Variants in PCDH11Y observed in about 807,000 individuals in gnomAD.
The protein encoded by PCDH11Y is protocadherin 11 Y-linked, also known as protocadherin-11 Y-linked.
For synonymous variants in PCDH11Y, 9 were observed against 83.6 expected, an observed-to-expected ratio of 0.11 and a Z score of 4.87; for missense variants, 12 against 224.8, an observed-to-expected ratio of 0.05 and a Z score of 6.05.
chrY:5,637,131 G>A (rs2053518496), intron 4 of PCDH11Y, among the ~76,000 whole-genome samples: 1 of 33,315 alleles, frequency 3.0e-5, no homozygotes, highest in Non-Finnish European at 7.4e-5. Flanking sequence ...TTGTCATAGT[G>A]CAATGATAGC....
At chrY:5,046,821 G>A (rs2124626166) in intron 3 of PCDH11Y, among the ~76,000 whole-genome samples, 9 of 33,649 alleles carry the variant, frequency 2.7e-4, no homozygotes, top group Admixed American at 5.3e-4. Flanking sequence ...GTGGTGCGCC[G>A]TTTTTTAAGC....
chrY:5,515,355 A>C, intron 3 of PCDH11Y, among the ~76,000 whole-genome samples: 1 of 32,507 alleles, frequency 3.1e-5, no homozygotes, highest in Non-Finnish European at 7.6e-5. Context: ...ATTCAGTGGA[A>C]TGAATATGAT....
chrY:5,378,288 TACACACACACAC>T (rs200306687), intron 2 of PCDH11Y, among the ~76,000 whole-genome samples: 785 of 23,370 alleles, frequency 0.034, no homozygotes, highest in Middle Eastern at 0.27. Context: ...AATAAATAAA[TACACACACACAC>T]ACACACACAC....
At chrY:5,403,035 T>A in intron 2 of PCDH11Y, among the ~76,000 whole-genome samples, 1 of 31,747 alleles carries the variant, frequency 3.1e-5, no homozygotes. Flanking sequence ...GTGGTTTTTT[T>A]CAAAAACATG....
intron 2 of PCDH11Y, among the ~76,000 whole-genome samples, chrY:5,122,478 T>G: frequency 3.1e-5 from 1 of 32,489 alleles, no homozygotes; most frequent in Non-Finnish European, 7.5e-5. Context: ...CAAAAATTCT[T>G]CTAGTAGGTT....
At chrY:5,006,208 A>T in intron 1 of PCDH11Y, among the ~76,000 whole-genome samples, 1 of 26,772 alleles carries the variant, frequency 3.7e-5, no homozygotes, top group East Asian at 9.8e-4. Flanking sequence ...ATTCTTTCTT[A>T]TTTTTATTCC....
intron 4 of PCDH11Y, among the ~76,000 whole-genome samples, chrY:5,638,123 A>AT (rs2053520114): frequency 9.5e-4 from 23 of 24,300 alleles, no homozygotes; most frequent in African/African-American, 3.3e-3. Context: ...CACCCAGCTA[A>AT]TTTTTTTGTA....
chrY:5,530,868 G>A, intron 3 of PCDH11Y, among the ~76,000 whole-genome samples: 1 of 32,477 alleles, frequency 3.1e-5, no homozygotes, highest in Non-Finnish European at 7.6e-5. Flanking sequence ...TATGAATATT[G>A]CAGAGGCTTA....
At chrY:5,392,318 C>G in intron 2 of PCDH11Y, among the ~76,000 whole-genome samples, 1 of 24,882 alleles carries the variant, frequency 4.0e-5, no homozygotes, top group Non-Finnish European at 8.9e-5. Context: ...TGCAGTGAGC[C>G]GAGATCGCGC....
At chrY:5,431,137 G>A in intron 2 of PCDH11Y, among the ~76,000 whole-genome samples, 2 of 33,159 alleles carry the variant, frequency 6.0e-5, no homozygotes, top group Non-Finnish European at 7.5e-5. Context: ...AGCCAAACAC[G>A]TACTTTCAGA....
At chrY:5,008,652 T>C in intron 1 of PCDH11Y, among the ~76,000 whole-genome samples, 1 of 32,626 alleles carries the variant, frequency 3.1e-5, no homozygotes, top group Non-Finnish European at 7.5e-5. Flanking sequence ...GCAGTAGACA[T>C]CTAGGACATT....
At chrY:5,344,667 T>C in intron 2 of PCDH11Y, among the ~76,000 whole-genome samples, 1 of 33,077 alleles carries the variant, frequency 3.0e-5, no homozygotes, top group East Asian at 7.8e-4. Flanking sequence ...TTCTAACTTT[T>C]CTTTTATTTT....
intron 2 of PCDH11Y, among the ~76,000 whole-genome samples, chrY:5,438,778 A>T: frequency 4.4e-5 from 1 of 22,502 alleles, no homozygotes; most frequent in Admixed American, 4.5e-4. Flanking sequence ...CATCATTAAG[A>T]TACTGCAATT....
At chrY:5,188,033 T>C (rs1602882703) in intron 2 of PCDH11Y, among the ~76,000 whole-genome samples, 1 of 33,730 alleles carries the variant, frequency 3.0e-5, no homozygotes, top group Non-Finnish European at 7.4e-5. Context: ...TTCACAGATC[T>C]CTAAGGTAGG....
intron 4 of PCDH11Y, among the ~76,000 whole-genome samples, chrY:5,677,699 T>C (rs2053554735): frequency 6.0e-5 from 2 of 33,135 alleles, no homozygotes; most frequent in Non-Finnish European, 1.5e-4. Context: ...TTAAGACTTA[T>C]GTGCTTGAAG....
At chrY:5,476,430 TAAAAAAAAAAAAAAAAAAAAA>T (rs1424925843) in intron 2 of PCDH11Y, among the ~76,000 whole-genome samples, 1 of 385 alleles carries the variant, frequency 2.6e-3, no homozygotes, top group African/African-American at 0.015. Flanking sequence ...GACCCTTTCT[TAAAAAAAAAAAAAAAAAAAAA>T]AAAAAAAAAA....
chrY:5,621,055 C>A (rs2053499005), intron 4 of PCDH11Y, among the ~76,000 whole-genome samples: 1 of 32,251 alleles, frequency 3.1e-5, no homozygotes, highest in African/African-American at 1.2e-4. Context: ...GGCAATCAGG[C>A]AAGAGAAAGA....
At chrY:5,555,789 T>A in intron 3 of PCDH11Y, among the ~76,000 whole-genome samples, 1 of 26,821 alleles carries the variant, frequency 3.7e-5, no homozygotes, top group Admixed American at 3.6e-4. Context: ...GAAAATGGAC[T>A]AATACATGTG....
intron 4 of PCDH11Y, among the ~76,000 whole-genome samples, chrY:5,660,986 C>T: frequency 6.5e-5 from 2 of 30,942 alleles, no homozygotes; most frequent in Non-Finnish European, 1.6e-4. Context: ...CCAGCTTGGT[C>T]AACATGGTGA....
Sources: gnomAD v4.1 joint callset for allele counts (sites outside exome capture counted in the v4.1 genomes callset) on GRCh38, gnomAD v4.1.1 for gene constraint, MANE v1.5 for transcripts, NCBI Gene and HGNC (gene_info 2026-07-23, HGNC 2026-07-21) for gene names.